Variants in PAX3 observed in about 807,000 individuals in gnomAD.
The protein encoded by PAX3 is paired box protein Pax-3.
PAX3 carries 14 observed loss-of-function variants against 51.6 expected under a neutral mutation model. The ratio of observed to expected loss-of-function variants is 0.27; its 90% CI spans 0.18 to 0.42. The LOEUF (loss-of-function observed/expected upper bound fraction) is 0.42, where lower values mean the gene tolerates loss of function less well. PAX3 is among the 10% of genes least tolerant of loss of function. PAX3 has a pLI of 1.00. For missense variants in PAX3, 540 were observed against 642.8 expected (o/e 0.84, Z 1.73); for synonymous variants, 280 against 253.4 (o/e 1.11, Z -1.00).
At chr2:222,249,354 C>A (rs1018860781) in intron 4 of PAX3, among the ~76,000 whole-genome samples, 5 of 152,144 alleles carry the variant, frequency 3.3e-5, no homozygotes, top group Admixed American at 1.3e-4. Flanking sequence ...AATACCATTC[C>A]TCTCTCAGCT....
chr2:222,294,353 C>A, intron 3 of PAX3, 52 bp from the exon 4 acceptor site: 5 of 1,606,974 alleles, frequency 3.1e-6, no homozygotes, highest in Non-Finnish European at 4.3e-6. Context: ...TTGAGACAAG[C>A]AGGGCTGTGC....
chr2:222,220,071 C>G, intron 7 of PAX3, 69 bp downstream of exon 7: 1 of 1,338,568 alleles, frequency 7.5e-7, no homozygotes, highest in Non-Finnish European at 1.1e-6. Context: ...CATTACACTA[C>G]TGCCTCAGGG....
At chr2:222,268,543 A>T (rs936055297) in intron 4 of PAX3, among the ~76,000 whole-genome samples, 1 of 152,054 alleles carries the variant, frequency 6.6e-6, no homozygotes, top group Admixed American at 6.5e-5. Context: ...GCCTCTCCCC[A>T]AGGGTGTTTC....
At chr2:222,238,378 C>T (rs1325353735) in intron 4 of PAX3, among the ~76,000 whole-genome samples, 1 of 152,098 alleles carries the variant, frequency 6.6e-6, no homozygotes, top group Admixed American at 6.6e-5. Context: ...GGGATTTAGT[C>T]ATGTGGAATT....
At chr2:222,283,935 A>C (rs988574634) in intron 4 of PAX3, among the ~76,000 whole-genome samples, 11 of 152,250 alleles carry the variant, frequency 7.2e-5, no homozygotes, top group Admixed American at 4.6e-4. Context: ...AGCTCCTAGG[A>C]GCCTTACTAG....
At chr2:222,295,374 CA>C (rs1695239705) in intron 3 of PAX3, among the ~76,000 whole-genome samples, 153 bp downstream of exon 3, 1 of 152,170 alleles carries the variant, frequency 6.6e-6, no homozygotes, top group African/African-American at 2.4e-5. Flanking sequence ...CATAAAGTGC[CA>C]AGAACACCGG....
At chr2:222,214,453 AG>A (rs1372524106) in intron 7 of PAX3, 4 of 152,172 alleles carry the variant, frequency 2.6e-5, no homozygotes, top group Admixed American at 1.3e-4. Flanking sequence ...GTAGAGTTAA[AG>A]GTTTGCTTTT....
intron 4 of PAX3, chr2:222,233,120 T>A (rs1692667776): frequency 6.9e-6 from 1 of 145,144 alleles, no homozygotes; most frequent in African/African-American, 2.5e-5. Context: ...TATGATCCCT[T>A]TTGTAAAAAA....
At chr2:222,292,161 T>C (rs1695066233) in intron 4 of PAX3, among the ~76,000 whole-genome samples, 1 of 152,192 alleles carries the variant, frequency 6.6e-6, no homozygotes, top group South Asian at 2.1e-4. Flanking sequence ...TTTTCCACGC[T>C]GAAGAGTCCA....
chr2:222,240,123 A>G (rs1339070532), intron 4 of PAX3, among the ~76,000 whole-genome samples: 1 of 152,132 alleles, frequency 6.6e-6, no homozygotes, highest in East Asian at 1.9e-4. Context: ...CAACTCCCCG[A>G]GTGCCTGCTG....
In PAX3 at chr2:222,200,957, C is replaced by T. The variant is rs1457852849; in HGVS notation, c.*451G>A. The T allele has an allele frequency of 3.4e-5, 20 of 590,600 alleles. No homozygotes were observed. Among genetic ancestry groups the T allele is most frequent in the Non-Finnish European group, 4.8e-5 (16 of 332,058 alleles). The allele number at this position is 590,600 out of a possible 1,614,324, so 36.6% of individuals were successfully genotyped here. A position where few individuals can be genotyped will look rare whatever the true frequency, so the allele number is the denominator to read the frequency against. On this transcript the variant is annotated 3_prime_UTR_variant, in exon 9 of 9. Coordinates refer to ENST00000392070, the MANE Select transcript of PAX3 (RefSeq NM_181458.4). The stretch of plus-strand genomic sequence containing the variant: ...TTGTAGAAGTATCAGCATCGAACAT[C>T]GACATGTTATACTTTAGGGTATTCT...
At chr2:222,203,545 A>G (rs981370603) in intron 7 of PAX3, among the ~76,000 whole-genome samples, 7 of 152,178 alleles carry the variant, frequency 4.6e-5, no homozygotes, top group Admixed American at 6.5e-5. Context: ...AGCCCTGACT[A>G]TAAGCCCTCA....
intron 4 of PAX3, among the ~76,000 whole-genome samples, chr2:222,293,287 C>A (rs1462233076): frequency 1.3e-5 from 2 of 152,240 alleles, no homozygotes; most frequent in East Asian, 1.9e-4. Flanking sequence ...CTCCCCTCCC[C>A]CCTGCCGTCT....
intron 4 of PAX3, among the ~76,000 whole-genome samples, chr2:222,243,954 C>T (rs1166921801): frequency 6.6e-6 from 1 of 152,154 alleles, no homozygotes; most frequent in East Asian, 1.9e-4. Context: ...GCTTGGGATA[C>T]CTACTGTGCA....
intron 1 of PAX3, 152 bp downstream of exon 1, chr2:222,298,379 T>C: frequency 1.5e-6 from 1 of 647,276 alleles, no homozygotes; most frequent in African/African-American, 1.8e-5. Context: ...ATCGAGTAGG[T>C]CCTCGCCCCC....
At chr2:222,273,864 C>A (rs980372713) in intron 4 of PAX3, among the ~76,000 whole-genome samples, 1 of 151,970 alleles carries the variant, frequency 6.6e-6, no homozygotes, top group Non-Finnish European at 1.5e-5. Flanking sequence ...ATGGCAAATT[C>A]GGTGCTGTAA....
intron 4 of PAX3, among the ~76,000 whole-genome samples, chr2:222,269,211 C>G (rs985812074): frequency 2.0e-5 from 3 of 152,022 alleles, no homozygotes; most frequent in Admixed American, 1.3e-4. Flanking sequence ...CCCCTTTTTT[C>G]TCTTTGACCT....
At chr2:222,223,523 C>A (rs1462224054) in intron 5 of PAX3, among the ~76,000 whole-genome samples, 2 of 152,136 alleles carry the variant, frequency 1.3e-5, no homozygotes, top group African/African-American at 4.8e-5. Context: ...GTTCTGGGAA[C>A]AAACTGTGTT....
chr2:222,273,395 C>T (rs150483766), intron 4 of PAX3, among the ~76,000 whole-genome samples: 17 of 152,288 alleles, frequency 1.1e-4, no homozygotes, highest in African/African-American at 3.4e-4. Flanking sequence ...TCTATTAACA[C>T]GAGGAAACAT....
Sources: gnomAD v4.1 joint callset for allele counts (sites outside exome capture counted in the v4.1 genomes callset) on GRCh38, gnomAD v4.1.1 for gene constraint, MANE v1.5 for transcripts, NCBI Gene and HGNC (gene_info 2026-07-23, HGNC 2026-07-21) for gene names.